SOX6: variants seen among roughly 807,000 people sequenced by gnomAD.
SOX6 encodes the protein transcription factor SOX-6.
A neutral mutation model predicts 97.8 loss-of-function variants in SOX6; 11 were observed. The observed-to-expected ratio is 0.11, with a 90% CI of 0.07 to 0.19. The LOEUF (loss-of-function observed/expected upper bound fraction) is 0.19. Ranked by LOEUF, SOX6 falls within the 10% of genes least tolerant of loss-of-function variation. The pLI is 1.00. For missense variants in SOX6, 810 were observed against 1,039.5 expected (o/e 0.78, Z 3.04); for synonymous variants, 360 against 371.4 (o/e 0.97, Z 0.35).
intron 4 of SOX6, among the ~76,000 whole-genome samples, chr11:16,215,000 G>A (rs927060369): frequency 1.3e-5 from 2 of 151,986 alleles, no homozygotes; most frequent in Admixed American, 1.3e-4. Flanking sequence ...AGCTGACCTC[G>A]GCCTCCCAAA....
At chr11:16,249,225 C>T (rs1281556026) in intron 3 of SOX6, among the ~76,000 whole-genome samples, 3 of 152,118 alleles carry the variant, frequency 2.0e-5, no homozygotes, top group Non-Finnish European at 4.4e-5. Flanking sequence ...TGCAAATTTT[C>T]CAAACTTTTA....
At chr11:16,116,046 C>T (rs1352895814) in intron 6 of SOX6, among the ~76,000 whole-genome samples, 1 of 152,094 alleles carries the variant, frequency 6.6e-6, no homozygotes, top group African/African-American at 2.4e-5. Flanking sequence ...AAACAATAAA[C>T]TTATTTTAAG....
chr11:16,583,944 C>T (rs1401619663), intron 4 of SOX6, among the ~76,000 whole-genome samples: 1 of 151,912 alleles, frequency 6.6e-6, no homozygotes, highest in East Asian at 1.9e-4. Flanking sequence ...TGATTATAGC[C>T]ATACTAACTG....
chr11:16,157,842 C>A (rs1850642457), intron 6 of SOX6, among the ~76,000 whole-genome samples: 1 of 151,886 alleles, frequency 6.6e-6, no homozygotes, highest in African/African-American at 2.4e-5. Context: ...GGACACCTTC[C>A]ATCCTGGTTC....
intron 4 of SOX6, among the ~76,000 whole-genome samples, chr11:16,211,592 G>A (rs1852235430): frequency 6.6e-6 from 1 of 152,148 alleles, no homozygotes; most frequent in African/African-American, 2.4e-5. Context: ...GTGAGAGAAT[G>A]GTTCCTGGAA....
At chr11:16,397,258 T>C (rs1858389186) in intron 1 of SOX6, among the ~76,000 whole-genome samples, 1 of 151,538 alleles carries the variant, frequency 6.6e-6, no homozygotes, top group Non-Finnish European at 1.5e-5. Context: ...AATATATTTA[T>C]CTACTTATGT....
At chr11:15,975,126 A>G (rs1185361935) in intron 15 of SOX6, among the ~76,000 whole-genome samples, 1 of 152,200 alleles carries the variant, frequency 6.6e-6, no homozygotes, top group Non-Finnish European at 1.5e-5. Context: ...AGTTTTTATG[A>G]TTCTCATGGT....
At chr11:16,349,679 AGG>A (rs1856865497) in intron 1 of SOX6, among the ~76,000 whole-genome samples, 2 of 57,236 alleles carry the variant, frequency 3.5e-5, no homozygotes, top group Admixed American at 3.4e-4. Context: ...GGAGGGAGGA[AGG>A]AAGGAAGGAA....
chr11:16,008,927 C>T (rs1047691022), intron 13 of SOX6, among the ~76,000 whole-genome samples: 5 of 152,042 alleles, frequency 3.3e-5, no homozygotes, highest in African/African-American at 1.2e-4. Context: ...AGGTCTTGGG[C>T]CTCCCTCACT....
intron 4 of SOX6, among the ~76,000 whole-genome samples, chr11:16,547,902 T>C (rs1847639796): frequency 6.6e-6 from 1 of 152,094 alleles, no homozygotes. Context: ...CATAAATACG[T>C]ACAAATATGT....
At chr11:16,630,791 G>C (rs1848695974) in intron 3 of SOX6, among the ~76,000 whole-genome samples, 1 of 152,144 alleles carries the variant, frequency 6.6e-6, no homozygotes, top group Admixed American at 6.5e-5. Context: ...TTATATGTAG[G>C]ACAGTTAAGT....
At chr11:16,624,431 C>T (rs1226554218) in intron 3 of SOX6, among the ~76,000 whole-genome samples, 1 of 152,130 alleles carries the variant, frequency 6.6e-6, no homozygotes, top group Non-Finnish European at 1.5e-5. Context: ...CACGATCTGC[C>T]TCCCAAAGTG....
At chr11:16,648,210 G>A (rs1849042155) in intron 3 of SOX6, among the ~76,000 whole-genome samples, 2 of 152,088 alleles carry the variant, frequency 1.3e-5, no homozygotes, top group Admixed American at 6.6e-5. Flanking sequence ...CAACTATGTG[G>A]GAGCTAGCTG....
intron 6 of SOX6, among the ~76,000 whole-genome samples, chr11:16,138,949 AT>A (rs1403454456): frequency 3.9e-5 from 6 of 152,086 alleles, no homozygotes; most frequent in Non-Finnish European, 8.8e-5. Flanking sequence ...CCAGTCTATC[AT>A]TTTTGGACAT....
intron 6 of SOX6, among the ~76,000 whole-genome samples, chr11:16,127,783 C>T (rs1849643678): frequency 6.6e-6 from 1 of 152,062 alleles, no homozygotes; most frequent in Non-Finnish European, 1.5e-5. Context: ...TGGGGTCTCC[C>T]TCAAACAGCA....
chr11:16,378,845 A>G (rs966919925), intron 1 of SOX6, among the ~76,000 whole-genome samples: 1 of 152,114 alleles, frequency 6.6e-6, no homozygotes. Context: ...ACAAAGGGTT[A>G]CTATTTTAGC....
chr11:16,376,804 C>T (rs1046315598), intron 1 of SOX6, among the ~76,000 whole-genome samples: 4 of 151,850 alleles, frequency 2.6e-5, no homozygotes, highest in Non-Finnish European at 2.9e-5. Flanking sequence ...ATAGATAGAA[C>T]ATTTAGACTT....
chr11:16,350,001 A>T (rs1437994828), intron 1 of SOX6, among the ~76,000 whole-genome samples: 2 of 152,176 alleles, frequency 1.3e-5, no homozygotes, highest in Non-Finnish European at 2.9e-5. Flanking sequence ...AACATCATTT[A>T]TGATCATTTA....
intron 4 of SOX6, among the ~76,000 whole-genome samples, chr11:16,197,559 T>C (rs562863205): frequency 7.9e-5 from 12 of 152,342 alleles, no homozygotes; most frequent in Admixed American, 3.9e-4. Context: ...AACTGCTGTT[T>C]CTTTTATTGT....
Sources: gnomAD v4.1 joint callset for allele counts (sites outside exome capture counted in the v4.1 genomes callset) on GRCh38, gnomAD v4.1.1 for gene constraint, MANE v1.5 for transcripts, NCBI Gene and HGNC (gene_info 2026-07-23, HGNC 2026-07-21) for gene names.